PACRGL: variants seen among roughly 807,000 people sequenced by gnomAD.
The protein encoded by PACRGL is parkin coregulated like.
A neutral mutation model predicts 34.5 loss-of-function variants in PACRGL; 38 were observed. The ratio of observed to expected loss-of-function variants is 1.10; its 90% CI spans 0.85 to 1.44. The LOEUF (loss-of-function observed/expected upper bound fraction) is 1.44, where lower values mean the gene tolerates loss of function less well. Ranked by LOEUF, PACRGL falls within the 40% of genes most tolerant of loss-of-function variation. PACRGL has a pLI of 0.00. For synonymous variants in PACRGL, 128 were observed against 100.1 expected (o/e 1.28, Z -1.66); for missense variants, 305 against 281.4 (o/e 1.08, Z -0.60).
upstream of PACRGL, among the ~76,000 whole-genome samples, chr4:20,699,380 C>A (rs1040504296): frequency 1.3e-5 from 2 of 152,090 alleles, no homozygotes; most frequent in Admixed American, 6.6e-5. Context: ...GATTTGTATG[C>A]AAGGTTCACA....
upstream of PACRGL, among the ~76,000 whole-genome samples, chr4:20,699,218 A>C (rs960836333): frequency 2.9e-5 from 4 of 136,860 alleles, no homozygotes; most frequent in Admixed American, 7.2e-5. Context: ...GATACAGGAT[A>C]TAAGATTTTT....
chr4:20,698,552 C>T (rs1731344500), upstream of PACRGL, among the ~76,000 whole-genome samples: 1 of 152,186 alleles, frequency 6.6e-6, no homozygotes, highest in Admixed American at 6.5e-5. Context: ...CTGGATGCCT[C>T]ACAGGCTTGT....
Position 20,731,724 on chromosome 4 carries a change from C to G in PACRGL, c.*4383C>G. On this transcript the variant is annotated 3_prime_UTR_variant, in exon 9 of 9. Transcript: ENST00000503585. ...ATTCAAATCTCATGTATGTTTTATC[C>G]TCCATGAATACTCTCTAAGGAATTT... is the stretch of plus-strand genomic sequence containing the variant. The G allele has an allele frequency of 1.0e-6, 1 of 985,130 alleles. No individual in the cohort carries two copies. The highest frequency in any genetic ancestry group is 5.2e-4 in the Middle Eastern group (1 of 1,914). The allele number at this position is 985,130 out of a possible 1,614,324, so 61.0% of individuals were successfully genotyped here. A position where few individuals can be genotyped will look rare whatever the true frequency, so the allele number is the denominator to read the frequency against.
chr4:20,762,358 A>G, the PACRGL span, among the ~76,000 whole-genome samples: 1 of 152,204 alleles, frequency 6.6e-6, no homozygotes, highest in Non-Finnish European at 1.5e-5. Context: ...TATGAGTTCT[A>G]AAGGGACACA....
At chr4:20,703,446 C>A (rs377482037) in intron 1 of PACRGL, among the ~76,000 whole-genome samples, 1 of 150,538 alleles carries the variant, frequency 6.6e-6, no homozygotes, top group Admixed American at 6.6e-5. Flanking sequence ...GAAGCTTGGC[C>A]TAAAAATACC....
chr4:20,718,897 G>C (rs1181815516), intron 7 of PACRGL: 1 of 152,246 alleles, frequency 6.6e-6, no homozygotes, highest in Non-Finnish European at 1.5e-5. Context: ...AATAGTTTCA[G>C]AAGAATGGTA....
intron 4 of PACRGL, 49 bp downstream of exon 4, chr4:20,707,919 G>A (rs757061889): frequency 9.2e-6 from 12 of 1,309,282 alleles, no homozygotes; most frequent in South Asian, 1.2e-5. Flanking sequence ...AAATCATTGA[G>A]TAAAATGAAT....
upstream of PACRGL, among the ~76,000 whole-genome samples, chr4:20,699,760 T>C (rs1731516919): frequency 6.6e-6 from 1 of 152,204 alleles, no homozygotes; most frequent in Admixed American, 6.5e-5. Flanking sequence ...TTGTTGCTGG[T>C]GGAATGCAAT....
At chr4:20,699,816 T>C (rs768572794), upstream of PACRGL, among the ~76,000 whole-genome samples, 9 of 152,156 alleles carry the variant, frequency 5.9e-5, no homozygotes, top group Non-Finnish European at 7.4e-5. Flanking sequence ...TGTTATGATG[T>C]GGAGCATAAA....
At chr4:20,767,146 G>T in the PACRGL span, 1 of 152,150 alleles carries the variant, frequency 6.6e-6, no homozygotes, top group South Asian at 2.1e-4. Flanking sequence ...ATAGACCAAG[G>T]ATAAATCATA....
Position 20,742,056 on chromosome 4 carries a change from C to G in PACRGL, c.*57-10509C>G, listed in dbSNP as rs552625632. ...TCCCTGAATAGACCAATAACAGGCT[C>G]TGAAATTGAGGCAATAATTAATAGC... On this transcript the variant is annotated intron_variant, in intron 8 of 8. Transcript: ENST00000507634. Among the ~76,000 whole-genome samples the G allele has an allele frequency of 1.2e-4, 19 of 152,146 alleles. 1 individual carries two copies. Among genetic ancestry groups the G allele is most frequent in the Non-Finnish European group, 2.5e-4 (17 of 68,036 alleles).
intron 7 of PACRGL, among the ~76,000 whole-genome samples, chr4:20,721,040 C>G (rs1340953043): frequency 1.3e-5 from 2 of 152,000 alleles, no homozygotes; most frequent in South Asian, 2.1e-4. Context: ...ACTCTTTTTT[C>G]TCTAAACTTC....
At chr4:20,711,777 AT>A (rs1478863383) in intron 5 of PACRGL, among the ~76,000 whole-genome samples, 2 of 152,136 alleles carry the variant, frequency 1.3e-5, no homozygotes, top group African/African-American at 4.8e-5. Context: ...ATTGTTTCTA[AT>A]GCATTTAGGG....
chr4:20,747,018 A>G lies in PACRGL; in HGVS notation c.*57-5547A>G, dbSNP rs1350012615. Among the ~76,000 whole-genome samples the G allele has an allele frequency of 3.9e-5, 6 of 152,346 alleles. No homozygotes were observed. The South Asian group carries it at 1.2e-3, about 32-fold the overall frequency. Reference sequence around the variant, plus strand: ...TAGTTTTAAATTTGATTTTCATTCAAACTTTATTAATTTAGCCATTAGTTT... The same window carrying G: ...TAGTTTTAAATTTGATTTTCATTCAGACTTTATTAATTTAGCCATTAGTTT... On this transcript the variant is annotated intron_variant, in intron 8 of 8. Transcript: ENST00000507634.
chr4:20,702,126 A>C (rs917991008), intron 1 of PACRGL: 35 of 455,860 alleles, frequency 7.7e-5, no homozygotes, highest in Non-Finnish European at 1.4e-4. Context: ...ATATAATGCA[A>C]CACCTCCCCA....
At chr4:20,741,944 C>G (rs1578467984) in intron 8 of PACRGL, among the ~76,000 whole-genome samples, 4 of 152,332 alleles carry the variant, frequency 2.6e-5, no homozygotes, top group Admixed American at 2.6e-4. Flanking sequence ...ATGAACACCT[C>G]TATGCGAATA....
At chr4:20,742,725 CAGG>C (rs1248347827) in intron 8 of PACRGL, among the ~76,000 whole-genome samples, 1 of 152,026 alleles carries the variant, frequency 6.6e-6, no homozygotes, top group Admixed American at 6.6e-5. Context: ...GGCAATCAGG[CAGG>C]AGAAGGAAAT....
At chr4:20,726,648 G>C (rs1042983471) in intron 8 of PACRGL, among the ~76,000 whole-genome samples, 1 of 151,944 alleles carries the variant, frequency 6.6e-6, no homozygotes, top group South Asian at 2.1e-4. Context: ...TCTCAGTTGT[G>C]GTTTCTCATT....
chr4:20,764,644 C>A, the PACRGL span, among the ~76,000 whole-genome samples: 1 of 151,012 alleles, frequency 6.6e-6, no homozygotes, highest in East Asian at 2.0e-4. Context: ...AAGTCTCACA[C>A]CGAGAGGAGC....
Sources: allele counts gnomAD v4.1 joint callset (sites outside exome capture counted in the v4.1 genomes callset), GRCh38; gene constraint gnomAD v4.1.1; transcripts MANE v1.5; gene names NCBI Gene and HGNC (gene_info 2026-07-23, HGNC 2026-07-21).